The following CCDC187 variants were observed in gnomAD, a reference collection of about 807,000 sequenced individuals.
The protein encoded by CCDC187 is coiled-coil domain-containing protein 187.
A neutral mutation model predicts 38.0 loss-of-function variants in CCDC187; 32 were observed. That is an observed-to-expected ratio of 0.84 (90% confidence interval 0.64 to 1.13). The LOEUF (loss-of-function observed/expected upper bound fraction) is 1.13, where lower values mean the gene tolerates loss of function less well. Among genes scored for constraint, CCDC187 ranks in the 50% most tolerant of loss-of-function variants. The probability of loss-of-function intolerance (pLI) is 0.00; values close to 1 mark genes in which losing one functional copy is unlikely to be tolerated. For synonymous variants in CCDC187, 333 were observed against 347.9 expected, an observed-to-expected ratio of 0.96 and a Z score of 0.48; for missense variants, 707 against 786.8, an observed-to-expected ratio of 0.90 and a Z score of 1.21.
intron 23 of CCDC187, 63 bp from the exon 24 acceptor site, chr9:136,256,386 T>C (rs1830613161): frequency 2.5e-6 from 2 of 808,904 alleles, no homozygotes; most frequent in Non-Finnish European, 3.0e-6. Context: ...CCACCTCCCG[T>C]AGCTGGATGG....
At chr9:136,297,891 G>A (rs1202527520) in intron 3 of CCDC187, 70 bp from the exon 4 acceptor site, 1 of 396,270 alleles carries the variant, frequency 2.5e-6, no homozygotes, top group Non-Finnish European at 4.5e-6. Flanking sequence ...GGCCCCCCAC[G>A]TGGCTACCCC....
chr9:136,293,487 A>T (rs1203723025), intron 4 of CCDC187, among the ~76,000 whole-genome samples: 2,531 of 67,504 alleles, frequency 0.037, 88 homozygotes, highest in African/African-American at 0.11. Flanking sequence ...ACACTCACAA[A>T]CACATGCTCA....
At position 136,254,605 on chromosome 9, in the gene CCDC187, A is replaced by T; in HGVS notation, c.5223T>A (p.Pro1741=). ...EQSPKAGWLL[P]FPDIPSPRSG... ...ACCTTGGAGAGGGGATGTCTGGGAA[A>T]GGCAGTAGCCAGCCTGCCTTTGGGC... Residue 1741 remains proline (P), a synonymous_variant, in exon 26 of 26, where the codon CCT becomes CCA. Transcript: ENST00000638797. 7 of 985,480 alleles carry T rather than the reference A, an allele frequency of 7.1e-6. No individual in the cohort carries two copies. Among genetic ancestry groups the T allele is most frequent in the Non-Finnish European group, 8.4e-6 (7 of 829,984 alleles). 61.0% of individuals were successfully genotyped at this position (985,480 alleles called of 1,614,324 possible).
rs1830629597 is a variant in CCDC187 at position 136,257,568 on chromosome 9, A to T, written c.4367-727T>A. 6.6e-6 allele frequency among the ~76,000 whole-genome samples: 1 copy of T among 152,002 alleles called. No homozygotes were observed. The highest frequency in any genetic ancestry group is 1.5e-5 in the Non-Finnish European group (1 of 67,998). Reference sequence around the variant, plus strand: ...CAAGGCCACCAGTGCACCGCCGGGGATCACAAAGGGGGACAAAGGGACGGG... The same window carrying T: ...CAAGGCCACCAGTGCACCGCCGGGGTTCACAAAGGGGGACAAAGGGACGGG... On this transcript the variant is annotated intron_variant, in intron 22 of 25. Transcript: ENST00000638797. This position sits in a 1 kb window ranked among gnomAD's most constrained non-coding sequence, Gnocchi z 4.5.
At chr9:136,294,026 A>G (rs911245321) in intron 4 of CCDC187, among the ~76,000 whole-genome samples, 2 of 146,204 alleles carry the variant, frequency 1.4e-5, no homozygotes, top group Non-Finnish European at 3.0e-5. Flanking sequence ...ACATGCTCTC[A>G]CACACACACT....
rs1485471438 is a variant in CCDC187, at chr9:136,293,161, ACACACTCACATGCT to A, written c.833-880_833-867del. Among the ~76,000 whole-genome samples, 77 of 60,952 alleles carry A rather than the reference ACACACTCACATGCT, an allele frequency of 1.3e-3. 1 individual carries two copies. Among genetic ancestry groups the A allele is most frequent in the South Asian group, 2.7e-3 (4 of 1,470 alleles). The allele number at this position is 60,952 out of a possible 152,430, so 40.0% of individuals were successfully genotyped here. A position where few individuals can be genotyped will look rare whatever the true frequency, so the allele number is the denominator to read the frequency against. ...CTCACACACTCACAAACACATGCTCACACACTCACATGCTCACACACACTCACATGCTCACACAC... is the reference window on the plus strand; with the variant it reads ...CTCACACACTCACAAACACATGCTCACACACACACTCACATGCTCACACAC... On this transcript the variant is annotated intron_variant, in intron 4 of 25. Transcript: ENST00000638797.
At chr9:136,293,838 A>G (rs1831449655) in intron 4 of CCDC187, among the ~76,000 whole-genome samples, 1 of 117,090 alleles carries the variant, frequency 8.5e-6, no homozygotes, top group African/African-American at 3.2e-5. Context: ...ACTACCACAC[A>G]CTCGTTCTCA....
chr9:136,282,476 T>C (rs1831068442), intron 9 of CCDC187, among the ~76,000 whole-genome samples: 1 of 151,612 alleles, frequency 6.6e-6, no homozygotes, highest in African/African-American at 2.4e-5. Context: ...GTGCTGAGCC[T>C]GCATCCGGGG....
At chr9:136,300,446 C>T (rs1831650290) in intron 2 of CCDC187, 128 bp from the exon 3 acceptor site, 1 of 385,254 alleles carries the variant, frequency 2.6e-6, no homozygotes, top group African/African-American at 2.1e-5. Context: ...CAGGGTCTCA[C>T]TCTGTCACCC....
rs1304516276 is a variant in CCDC187, at chr9:136,258,333, G to A, written c.4366+599C>T. On this transcript the variant is annotated intron_variant, in intron 22 of 25. Transcript: ENST00000638797. The surrounding 1 kb of genome is among the most constrained non-coding windows in gnomAD (Gnocchi z 4.3). ...CAGTCTATGCCACCCCCCTTGGGTG[G>A]CATAGTCTCCCTGCTTCCGAGGATG... Among the ~76,000 whole-genome samples the A allele has an allele frequency of 6.6e-6, 1 of 152,190 alleles. No homozygotes were observed. Among genetic ancestry groups the A allele is most frequent in the Non-Finnish European group, 1.5e-5 (1 of 68,020 alleles).
chr9:136,270,634 G>A (rs1830824965), intron 14 of CCDC187, among the ~76,000 whole-genome samples: 1 of 152,204 alleles, frequency 6.6e-6, no homozygotes, highest in African/African-American at 2.4e-5. Context: ...GGATGACTGG[G>A]GGCAAGCCTG....
At chr9:136,298,748 G>A (rs1001724848) in intron 3 of CCDC187, among the ~76,000 whole-genome samples, 13,475 of 152,300 alleles carry the variant, frequency 0.088, 821 homozygotes, top group East Asian at 0.26. Flanking sequence ...AGAGTCACTA[G>A]GCCCATAGAG....
In CCDC187 at chr9:136,299,141, C is replaced by T. The variant is rs981768158; in HGVS notation, c.724+1079G>A. 3.7e-4 allele frequency among the ~76,000 whole-genome samples: 57 copies of T among 152,256 alleles called. No individual in the cohort carries two copies. The East Asian group carries it at 5.6e-3, about 15-fold the overall frequency. On this transcript the variant is annotated intron_variant, in intron 3 of 25. Transcript: ENST00000638797. ...GGCGGAGGAGGGAGGAACAAAGTGG[C>T]GCTGACCACAGGGCTCAGGCGGAAC...
At chr9:136,277,695 C>T (rs1830960179) in intron 10 of CCDC187, among the ~76,000 whole-genome samples, 1 of 152,168 alleles carries the variant, frequency 6.6e-6, no homozygotes, top group South Asian at 2.1e-4. Context: ...CAAGTCCCAG[C>T]TCTGACTCTG....
chr9:136,273,955 G>A (rs1191260272), intron 14 of CCDC187, among the ~76,000 whole-genome samples: 4 of 152,342 alleles, frequency 2.6e-5, no homozygotes, highest in South Asian at 2.1e-4. Context: ...CAACCTGCAC[G>A]CAGACCCTTC....
chr9:136,293,616 G>A (rs1032891592), intron 4 of CCDC187, among the ~76,000 whole-genome samples: 3 of 150,208 alleles, frequency 2.0e-5, no homozygotes, highest in Admixed American at 6.6e-5. Flanking sequence ...ACATATGCAC[G>A]CCAATGCTGA....
intron 14 of CCDC187, among the ~76,000 whole-genome samples, chr9:136,270,637 C>T: frequency 6.6e-6 from 1 of 152,158 alleles, no homozygotes; most frequent in East Asian, 1.9e-4. Flanking sequence ...TGACTGGGGG[C>T]AAGCCTGGAT....
In CCDC187 at chr9:136,267,867, G is replaced by A. The variant is rs868920317; in HGVS notation, c.3519+182C>T. 5.1e-6 allele frequency: 5 copies of A among 985,358 alleles called. No homozygotes were observed. In the African/African-American group the frequency reaches 7.0e-5, roughly 14 times the overall value. 61.0% of individuals were successfully genotyped at this position (985,358 alleles called of 1,614,324 possible). A position where few individuals can be genotyped will look rare whatever the true frequency, so the allele number is the denominator to read the frequency against. On this transcript the variant is annotated intron_variant, in intron 15 of 25. Coordinates refer to ENST00000638797, the MANE Select transcript of CCDC187 (RefSeq NM_001378188.1). ...TGCCCCCCTCTGTCACCCAGGGCGG[G>A]AGGAACGGGCTTGGGTAGCTGTCAG...
At chr9:136,294,314 A>C (rs1831482635) in intron 4 of CCDC187, among the ~76,000 whole-genome samples, 2 of 149,764 alleles carry the variant, frequency 1.3e-5, no homozygotes, top group South Asian at 2.1e-4. Context: ...TCATATACAC[A>C]TGCCCTCACG....
Sources: allele counts gnomAD v4.1 joint callset (sites outside exome capture counted in the v4.1 genomes callset), GRCh38; gene constraint gnomAD v4.1.1; non-coding constraint Gnocchi (gnomAD v3.1); transcripts MANE v1.5; gene names NCBI Gene and HGNC (gene_info 2026-07-23, HGNC 2026-07-21).